TTK: variants seen among roughly 807,000 people sequenced by gnomAD.
TTK encodes TTK protein kinase, also known as dual specificity protein kinase TTK.
A neutral mutation model predicts 117.3 loss-of-function variants in TTK; 59 were observed. The ratio of observed to expected loss-of-function variants is 0.50; its 90% CI spans 0.41 to 0.62. The LOEUF (loss-of-function observed/expected upper bound fraction) is 0.62, where lower values mean the gene tolerates loss of function less well. TTK is among the 20% of genes least tolerant of loss of function. The pLI is 0.00. For synonymous variants in TTK, 302 were observed against 325.0 expected (o/e 0.93, Z 0.76); for missense variants, 921 against 989.4 (o/e 0.93, Z 0.93).
Position 80,042,331 on chromosome 6 carries a change from T to A in TTK, c.*129T>A. ...AGTGTTATCAGCAAAAAAAATTCAG[T>A]AGATTATCTTTAAAAGAAAACTGTA... is the stretch of plus-strand genomic sequence containing the variant. On this transcript the variant is annotated 3_prime_UTR_variant, in exon 22 of 22. Coordinates refer to ENST00000369798, the MANE Select transcript of TTK (RefSeq NM_003318.5). 2 of 620,784 alleles carry A rather than the reference T, an allele frequency of 3.2e-6. No individual in the cohort carries two copies. The highest frequency in any genetic ancestry group is 7.1e-5 in the South Asian group (2 of 28,330). The allele number at this position is 620,784 out of a possible 1,614,324, so 38.5% of individuals were successfully genotyped here. A position where few individuals can be genotyped will look rare whatever the true frequency, so the allele number is the denominator to read the frequency against.
chr6:80,008,103 A>G, intron 3 of TTK, 72 bp downstream of exon 3: 4 of 1,485,704 alleles, frequency 2.7e-6, no homozygotes, highest in Non-Finnish European at 2.7e-6. Context: ...GAGAGAAAAT[A>G]AAAAACATGG....
intron 19 of TTK, 107 bp downstream of exon 19, chr6:80,039,979 A>G: frequency 9.3e-7 from 1 of 1,080,300 alleles, no homozygotes; most frequent in Non-Finnish European, 1.2e-6. Flanking sequence ...AAGAATTGCT[A>G]ACTGAATTAG....
intron 10 of TTK, among the ~76,000 whole-genome samples, chr6:80,020,314 C>CT (rs34474819): frequency 6.6e-6 from 1 of 152,104 alleles, no homozygotes; most frequent in Non-Finnish European, 1.5e-5. Context: ...CTCTTTTATC[C>CT]TTTTTTTCCC....
chr6:80,010,300 A>G (rs763428120), intron 4 of TTK, among the ~76,000 whole-genome samples: 5 of 151,856 alleles, frequency 3.3e-5, no homozygotes, highest in Admixed American at 1.3e-4. Context: ...ATTAATCTGT[A>G]TTTATTATGT....
chr6:80,013,270 G>A lies in TTK; in HGVS notation c.897-9G>A, dbSNP rs781459428. The A allele has an allele frequency of 6.4e-7, 1 of 1,568,586 alleles. No individual in the cohort carries two copies. The highest frequency in any genetic ancestry group is 8.6e-7 in the Non-Finnish European group (1 of 1,164,170). The stretch of plus-strand genomic sequence containing the variant: ...TAATGTTAAAATTATTTTGTTTCAC[G>A]GGTAAAAGACAAACCTCTAGATCAG... On this transcript the variant is annotated splice_polypyrimidine_tract_variant and intron_variant, in intron 8 of 21. Transcript: ENST00000369798.
In TTK at chr6:80,011,422, A is replaced by G. The variant is rs1371577059; in HGVS notation, c.614-12A>G. The G allele has an allele frequency of 1.3e-6, 2 of 1,539,892 alleles. No homozygotes were observed. Among genetic ancestry groups the G allele is most frequent in the Non-Finnish European group, 8.7e-7 (1 of 1,149,024 alleles). Reference sequence around the variant, plus strand: ...TCTTATAAATTTAATCATAGTTTCAAAATTTTTACAGCATCTACGGTATTA... The same window carrying G: ...TCTTATAAATTTAATCATAGTTTCAGAATTTTTACAGCATCTACGGTATTA... On this transcript the variant is annotated splice_polypyrimidine_tract_variant and intron_variant, in intron 5 of 21. Coordinates refer to ENST00000369798, the MANE Select transcript of TTK (RefSeq NM_003318.5).
intron 12 of TTK, among the ~76,000 whole-genome samples, chr6:80,026,818 T>C (rs1767620785): frequency 1.3e-5 from 2 of 152,194 alleles, no homozygotes; most frequent in Non-Finnish European, 2.9e-5. Flanking sequence ...CATACAGATA[T>C]CTCTCTATTA....
rs760846337 is a variant in TTK, at chr6:80,035,127, T to C, written c.1757T>C (p.Ile586Thr). 6.4e-7 allele frequency: 1 copy of C among 1,558,416 alleles called. No homozygotes were observed. The highest frequency in any genetic ancestry group is 1.2e-5 in the South Asian group (1 of 81,086). ...NKLQQHSDKI[I>T]RLYDYEITDQ... ...CTACAACAACACAGTGATAAGATCA[T>C]CCGACTTTATGATTAGTAAGAATTC... Residue 586 changes from isoleucine (I) to threonine (T), a missense_variant, in exon 15 of 22, where the codon ATC becomes ACC. Coordinates refer to ENST00000369798, the MANE Select transcript of TTK (RefSeq NM_003318.5).
chr6:80,007,059 A>C (rs1767011701), intron 2 of TTK, among the ~76,000 whole-genome samples: 1 of 152,274 alleles, frequency 6.6e-6, no homozygotes, highest in East Asian at 1.9e-4. Flanking sequence ...AGAAAGTAAA[A>C]AGTACATTTC....
chr6:80,014,896 C>T (rs1767264876), intron 10 of TTK, among the ~76,000 whole-genome samples: 1 of 152,102 alleles, frequency 6.6e-6, no homozygotes, highest in South Asian at 2.1e-4. Flanking sequence ...TGACAGCTCT[C>T]ATCTTTTATC....
chr6:80,008,669 T>C (rs1255266150), intron 4 of TTK, among the ~76,000 whole-genome samples, 177 bp downstream of exon 4: 1 of 152,172 alleles, frequency 6.6e-6, no homozygotes, highest in Non-Finnish European at 1.5e-5. Flanking sequence ...ATATCTGTTA[T>C]ACTAGCTTTT....
At chr6:80,042,042 C>A (rs2127686128) in intron 21 of TTK, 77 bp from the exon 22 acceptor site, 3 of 746,626 alleles carry the variant, frequency 4.0e-6, no homozygotes, top group South Asian at 2.7e-5. Context: ...ATTTAGAATA[C>A]ATCAAAATAC....
intron 8 of TTK, 134 bp downstream of exon 8, chr6:80,012,114 T>A (rs1452598967): frequency 2.8e-6 from 2 of 703,758 alleles, no homozygotes; most frequent in Non-Finnish European, 4.3e-6. Flanking sequence ...AATCTCTAAA[T>A]GTTGTCAGGA....
chr6:80,031,843 C>G (rs1767768789), intron 14 of TTK, among the ~76,000 whole-genome samples: 1 of 151,994 alleles, frequency 6.6e-6, no homozygotes, highest in Non-Finnish European at 1.5e-5. Context: ...AGCGAATGAC[C>G]ACTATGTATT....
chr6:80,018,199 G>T (rs1767361475), intron 10 of TTK, among the ~76,000 whole-genome samples: 1 of 151,806 alleles, frequency 6.6e-6, no homozygotes, highest in Non-Finnish European at 1.5e-5. Context: ...AAAAAACTTT[G>T]TTGTTAGTTT....
Position 80,039,752 on chromosome 6 carries a change from C to T in TTK, c.2187C>T (p.Tyr729=), listed in dbSNP as rs145532931. The change falls in exon 19 of 22, where the codon TAC becomes TAT. Residue 729 remains tyrosine (Y), a synonymous_variant. Transcript: ENST00000369798. ...SLGCILYYMT[Y]GKTPFQQIIN... is the part of the protein sequence containing the mutation. Reference sequence around the variant, plus strand: ...GATGTATTTTGTACTATATGACTTACGGGAAAACACCATTTCAGCAGATAA... The same window carrying T: ...GATGTATTTTGTACTATATGACTTATGGGAAAACACCATTTCAGCAGATAA... 195 of 1,588,822 alleles carry T rather than the reference C, an allele frequency of 1.2e-4. No individual in the cohort carries two copies. Among genetic ancestry groups the T allele is most frequent in the Non-Finnish European group, 1.6e-4 (186 of 1,168,818 alleles).
intron 9 of TTK, 91 bp downstream of exon 9, chr6:80,013,457 A>T: frequency 1.9e-6 from 2 of 1,061,796 alleles, no homozygotes; most frequent in Non-Finnish European, 2.8e-6. Context: ...AAGGGTTTAT[A>T]AATAGTTCAT....
chr6:80,031,044 CAAAA>C (rs56848922), intron 13 of TTK, among the ~76,000 whole-genome samples: 2,940 of 77,900 alleles, frequency 0.038, 41 homozygotes, highest in Non-Finnish European at 0.052. Context: ...GATGCTGTCT[CAAAA>C]AAAAAAAAAA....
intron 13 of TTK, among the ~76,000 whole-genome samples, 165 bp from the exon 14 acceptor site, chr6:80,031,302 G>C (rs1223523975): frequency 6.6e-6 from 1 of 151,180 alleles, no homozygotes; most frequent in Non-Finnish European, 1.5e-5. Context: ...ATTTTTTAAG[G>C]TTTTTTTTCT....
Sources: gnomAD v4.1 joint callset for allele counts (sites outside exome capture counted in the v4.1 genomes callset) on GRCh38, gnomAD v4.1.1 for gene constraint, MANE v1.5 for transcripts, NCBI Gene and HGNC (gene_info 2026-07-23, HGNC 2026-07-21) for gene names.